CFAP299: variants seen among roughly 807,000 people sequenced by gnomAD.
CFAP299 encodes cilia and flagella associated protein 299, also known as cilia- and flagella-associated protein 299.
A neutral mutation model predicts 27.0 loss-of-function variants in CFAP299; 21 were observed. The ratio of observed to expected loss-of-function variants is 0.78; its 90% CI spans 0.55 to 1.12. The LOEUF (loss-of-function observed/expected upper bound fraction) is 1.12. Among genes scored for constraint, CFAP299 ranks in the 50% most tolerant of loss-of-function variants. The pLI, the probability that CFAP299 is intolerant of heterozygous loss-of-function variation, is 0.00. For synonymous variants in CFAP299, 104 were observed against 98.1 expected (o/e 1.06, Z -0.36); for missense variants, 310 against 276.6 (o/e 1.12, Z -0.86).
intron 4 of CFAP299, among the ~76,000 whole-genome samples, chr4:80,897,932 C>T (rs575382586): frequency 2.6e-5 from 4 of 152,150 alleles, no homozygotes; most frequent in Admixed American, 6.5e-5. Context: ...GCACTCAACC[C>T]CTTGCAGGAG....
At chr4:80,518,347 C>G (rs1228411691) in intron 2 of CFAP299, among the ~76,000 whole-genome samples, 1 of 152,098 alleles carries the variant, frequency 6.6e-6, no homozygotes, top group African/African-American at 2.4e-5. Flanking sequence ...CCAAATAATT[C>G]TATAGGCAAA....
chr4:80,729,734 G>A (rs1231484512), intron 3 of CFAP299, among the ~76,000 whole-genome samples: 2 of 151,564 alleles, frequency 1.3e-5, no homozygotes, highest in Non-Finnish European at 2.9e-5. Flanking sequence ...CGAGTAGCTG[G>A]GACTACAGGC....
At chr4:80,737,561 A>G (rs920723875) in intron 3 of CFAP299, among the ~76,000 whole-genome samples, 1 of 151,970 alleles carries the variant, frequency 6.6e-6, no homozygotes, top group African/African-American at 2.4e-5. Flanking sequence ...AGATTTTCCA[A>G]TTTATTGGCA....
intron 3 of CFAP299, among the ~76,000 whole-genome samples, chr4:80,595,353 C>G (rs1737008276): frequency 6.6e-6 from 1 of 152,154 alleles, no homozygotes; most frequent in Non-Finnish European, 1.5e-5. Flanking sequence ...ATGTTATCTT[C>G]TAAAAGTTTT....
At chr4:80,901,066 A>G (rs1353944477) in intron 4 of CFAP299, among the ~76,000 whole-genome samples, 1 of 152,130 alleles carries the variant, frequency 6.6e-6, no homozygotes, top group African/African-American at 2.4e-5. Context: ...TTTACAGCAT[A>G]ACTCATCACC....
Position 80,880,671 on chromosome 4 carries a change from C to T in CFAP299, c.476+10536C>T, listed in dbSNP as rs111766117. Among the ~76,000 whole-genome samples the T allele has an allele frequency of 6.1e-4, 92 of 151,900 alleles. 1 individual carries two copies. Among genetic ancestry groups the T allele is most frequent in the Non-Finnish European group, 8.8e-4 (60 of 67,946 alleles). ...AACCCAGGAGGCGGAGGTTGCAGTG[C>T]GCCAAGATCACACCACCGTACTCCA... On this transcript the variant is annotated intron_variant, in intron 4 of 5. Transcript: ENST00000358105.
At chr4:80,900,237 G>A (rs1734820755) in intron 4 of CFAP299, among the ~76,000 whole-genome samples, 1 of 151,220 alleles carries the variant, frequency 6.6e-6, no homozygotes, top group Non-Finnish European at 1.5e-5. Flanking sequence ...TATAGGATAG[G>A]ATGCATAGGA....
chr4:80,410,368 C>T (rs1181632443), intron 2 of CFAP299, among the ~76,000 whole-genome samples: 1 of 152,132 alleles, frequency 6.6e-6, no homozygotes, highest in African/African-American at 2.4e-5. Flanking sequence ...CAGGGAAATA[C>T]CCTATATCTC....
At chr4:80,803,711 T>C (rs116476303) in intron 3 of CFAP299, among the ~76,000 whole-genome samples, 2,998 of 149,304 alleles carry the variant, frequency 0.02, 76 homozygotes, top group South Asian at 0.06. Flanking sequence ...ATATACTACA[T>C]TATATTTTAA....
intron 2 of CFAP299, chr4:80,386,271 C>G: frequency 8.2e-7 from 1 of 1,222,730 alleles, no homozygotes; most frequent in African/African-American, 1.5e-5. Context: ...GGTTGGAGCC[C>G]AGCCCCTCAG....
chr4:80,360,784 C>G lies in CFAP299; in HGVS notation c.112-1970C>G, dbSNP rs78868476. Reference sequence around the variant, plus strand: ...GACCTGTAGATTTTATTTTCCAATTCAAGTCCATCTACCTTATATTTGGTG... The same window carrying G: ...GACCTGTAGATTTTATTTTCCAATTGAAGTCCATCTACCTTATATTTGGTG... On this transcript the variant is annotated intron_variant, in intron 1 of 5. Transcript: ENST00000358105. 1.7e-3 allele frequency among the ~76,000 whole-genome samples: 262 copies of G among 152,274 alleles called. 1 individual carries two copies. The highest frequency in any genetic ancestry group is 5.8e-3 in the African/African-American group (240 of 41,562).
intron 3 of CFAP299, among the ~76,000 whole-genome samples, chr4:80,795,069 G>C (rs1297597334): frequency 6.6e-6 from 1 of 152,142 alleles, no homozygotes; most frequent in Non-Finnish European, 1.5e-5. Context: ...GAAGCTGAGT[G>C]GTGTCCACAG....
intron 3 of CFAP299, among the ~76,000 whole-genome samples, chr4:80,632,834 T>A (rs1320316489): frequency 2.0e-5 from 3 of 152,110 alleles, no homozygotes; most frequent in Admixed American, 2.0e-4. Context: ...TTTAACCCAT[T>A]TATCTGATTT....
At chr4:80,904,860 T>C (rs1341581197) in intron 4 of CFAP299, among the ~76,000 whole-genome samples, 5 of 152,238 alleles carry the variant, frequency 3.3e-5, no homozygotes, top group Non-Finnish European at 7.3e-5. Context: ...GAGATGTATG[T>C]CATAAGCAGC....
At chr4:80,759,521 T>C (rs1407799620) in intron 3 of CFAP299, among the ~76,000 whole-genome samples, 1 of 152,210 alleles carries the variant, frequency 6.6e-6, no homozygotes. Flanking sequence ...TTATCTGTTT[T>C]GTTTTATTGT....
chr4:80,621,010 T>A (rs1253580418), intron 3 of CFAP299, among the ~76,000 whole-genome samples: 1 of 152,040 alleles, frequency 6.6e-6, no homozygotes, highest in Admixed American at 6.6e-5. Flanking sequence ...TAACAGCCTA[T>A]CTTTTTTTTT....
intron 3 of CFAP299, among the ~76,000 whole-genome samples, chr4:80,622,405 G>A (rs1458386338): frequency 2.6e-5 from 4 of 152,166 alleles, no homozygotes; most frequent in Non-Finnish European, 5.9e-5. Flanking sequence ...GTCATCCCCA[G>A]CTGAGTTAGA....
At chr4:80,706,955 T>C (rs1721857320) in intron 3 of CFAP299, among the ~76,000 whole-genome samples, 1 of 151,980 alleles carries the variant, frequency 6.6e-6, no homozygotes, top group Non-Finnish European at 1.5e-5. Flanking sequence ...CACAAAGTGG[T>C]TGATTCATGA....
intron 2 of CFAP299, among the ~76,000 whole-genome samples, chr4:80,463,770 T>G (rs1409593421): frequency 1.3e-5 from 2 of 152,094 alleles, no homozygotes; most frequent in Admixed American, 1.3e-4. Flanking sequence ...TGGTTAGAGC[T>G]TCAACCTATG....
Sources: allele counts gnomAD v4.1 joint callset (sites outside exome capture counted in the v4.1 genomes callset), GRCh38; gene constraint gnomAD v4.1.1; transcripts MANE v1.5; gene names NCBI Gene and HGNC (gene_info 2026-07-23, HGNC 2026-07-21).